TAB2: variants seen among roughly 807,000 people sequenced by gnomAD.
TAB2 encodes TGF-beta activated kinase 1 (MAP3K7) binding protein 2.
In TAB2, 3 loss-of-function variants were observed where a neutral mutation model predicts 65.0. That is an observed-to-expected ratio of 0.05 (90% confidence interval 0.02 to 0.12). The LOEUF is 0.12. Ranked by LOEUF, TAB2 falls within the 10% of genes least tolerant of loss-of-function variation. The probability of loss-of-function intolerance (pLI) is 1.00; values close to 1 mark genes in which losing one functional copy is unlikely to be tolerated. For synonymous variants in TAB2, 298 were observed against 285.1 expected (o/e 1.05, Z -0.46); for missense variants, 623 against 840.3 (o/e 0.74, Z 3.20).
At chr6:149,277,414 T>G (rs1371873154) in intron 1 of TAB2, among the ~76,000 whole-genome samples, 1 of 152,146 alleles carries the variant, frequency 6.6e-6, no homozygotes, top group East Asian at 1.9e-4. Flanking sequence ...AATATACTGT[T>G]AAGATAAAAA....
At chr6:149,286,452 A>G (rs938117039) in intron 1 of TAB2, among the ~76,000 whole-genome samples, 3 of 152,224 alleles carry the variant, frequency 2.0e-5, no homozygotes, top group African/African-American at 7.2e-5. Flanking sequence ...CTTTAAAATT[A>G]AAGCCAGAGA....
intron 1 of TAB2, among the ~76,000 whole-genome samples, chr6:149,267,296 C>T (rs1778281531): frequency 6.6e-6 from 1 of 152,142 alleles, no homozygotes; most frequent in African/African-American, 2.4e-5. Context: ...TCTTCCTCTT[C>T]CTGCTGTCCA....
intron 3 of TAB2, among the ~76,000 whole-genome samples, chr6:149,383,914 C>T (rs376990570): frequency 6.6e-6 from 1 of 152,130 alleles, no homozygotes; most frequent in Non-Finnish European, 1.5e-5. Flanking sequence ...GTGTTTCATT[C>T]ACTTAATTCA....
chr6:149,270,920 C>G (rs987579527), intron 1 of TAB2, among the ~76,000 whole-genome samples: 2 of 152,148 alleles, frequency 1.3e-5, no homozygotes, highest in African/African-American at 4.8e-5. Flanking sequence ...AGAAGTATTA[C>G]TGATCCACTG....
intron 1 of TAB2, among the ~76,000 whole-genome samples, chr6:149,348,428 G>GAGAGAAAGAAGGAAAT (rs1780372577): frequency 6.7e-6 from 1 of 149,056 alleles, no homozygotes; most frequent in Non-Finnish European, 1.5e-5. Context: ...AAGAAGGAAA[G>GAGAGAAAGAAGGAAAT]AAAGAAAGAA....
At position 149,319,277 on chromosome 6, in the gene TAB2, T is replaced by C. The variant is rs189785275; in HGVS notation, c.-90+1262T>C. Among the ~76,000 whole-genome samples, 374 of 152,360 alleles carry C rather than the reference T, an allele frequency of 2.5e-3. 2 individuals are homozygous for C. The highest frequency in any genetic ancestry group is 8.6e-3 in the African/African-American group (359 of 41,588). ...GTTTTTTCACTTCTGCTTACTACAC[T>C]GTTCATACAGTAGCAGAGTATTGAC... On this transcript the variant is annotated intron_variant, in intron 1 of 6. Transcript: ENST00000637181.
intron 1 of TAB2, among the ~76,000 whole-genome samples, chr6:149,360,708 C>A (rs1055525781): frequency 1.3e-5 from 2 of 152,188 alleles, no homozygotes; most frequent in Non-Finnish European, 2.9e-5. Flanking sequence ...AAAGTTTCAG[C>A]TCATTTCAGC....
intron 3 of TAB2, among the ~76,000 whole-genome samples, chr6:149,381,650 T>A (rs1781614410): frequency 6.8e-6 from 1 of 147,192 alleles, no homozygotes; most frequent in South Asian, 2.2e-4. Flanking sequence ...CACAGCTCAC[T>A]TCAGCCTCAA....
At chr6:149,254,085 G>A in intron 1 of TAB2, among the ~76,000 whole-genome samples, 1 of 112,302 alleles carries the variant, frequency 8.9e-6, no homozygotes, top group South Asian at 3.3e-4. Flanking sequence ...AAGGAAGGAA[G>A]GAAGGAAGGA....
chr6:149,378,146 T>C lies in TAB2; in HGVS notation c.231T>C (p.Ser77=), dbSNP rs1258726538. The change falls in exon 3 of 7, where the codon TCT becomes TCC. Residue 77 remains serine (S), a synonymous_variant. Coordinates refer to ENST00000637181, the MANE Select transcript of TAB2 (RefSeq NM_001292034.3). ...CTGGTCTACGCAATCACATGACTTC[T>C]CTCAACTTGGACTTGCAATCACAGA... ...GISGLRNHMT[S]LNLDLQSQNI... The C allele has an allele frequency of 6.2e-7, 1 of 1,614,090 alleles. No individual in the cohort carries two copies. Among genetic ancestry groups the C allele is most frequent in the Non-Finnish European group, 8.5e-7 (1 of 1,180,050 alleles).
chr6:149,347,998 A>G (rs1455312190), intron 1 of TAB2, among the ~76,000 whole-genome samples: 1 of 152,238 alleles, frequency 6.6e-6, no homozygotes, highest in Non-Finnish European at 1.5e-5. Flanking sequence ...TTCTGACTGC[A>G]TTATCAACAC....
At chr6:149,348,266 G>A (rs1780368205) in intron 1 of TAB2, among the ~76,000 whole-genome samples, 1 of 152,068 alleles carries the variant, frequency 6.6e-6, no homozygotes, top group South Asian at 2.1e-4. Context: ...TTGCGCACCG[G>A]TAGTCCCTGC....
At chr6:149,321,702 C>G (rs1220951605) in intron 1 of TAB2, among the ~76,000 whole-genome samples, 1 of 152,064 alleles carries the variant, frequency 6.6e-6, no homozygotes, top group Non-Finnish European at 1.5e-5. Flanking sequence ...ATTTCCTATT[C>G]CTTAGAAAAG....
At chr6:149,248,586 C>T (rs1044772701) in intron 1 of TAB2, among the ~76,000 whole-genome samples, 3 of 145,932 alleles carry the variant, frequency 2.1e-5, no homozygotes, top group Non-Finnish European at 4.6e-5. Flanking sequence ...CCAGCACACT[C>T]TTTCTCCCAA....
In TAB2 at chr6:149,305,965, C is replaced by T. The variant is rs181003717; in HGVS notation, c.-120-72053C>T. The stretch of plus-strand genomic sequence containing the variant: ...AGATGACCAACGCCTCTCCTTCACC[C>T]ACCTTTAAGTACCACCACAATCAGT... On this transcript the variant is annotated intron_variant, in intron 1 of 1. Coordinates refer to the TAB2 transcript ENST00000606202. 4.7e-3 allele frequency among the ~76,000 whole-genome samples: 723 copies of T among 152,316 alleles called. 4 individuals carry two copies. The highest frequency in any genetic ancestry group is 0.027 in the Middle Eastern group (8 of 294).
At chr6:149,407,749 G>A (rs1045396297) in intron 6 of TAB2, among the ~76,000 whole-genome samples, 1 of 148,760 alleles carries the variant, frequency 6.7e-6, no homozygotes, top group African/African-American at 2.5e-5. Flanking sequence ...TCCAATTTTG[G>A]TTATTTAGTT....
chr6:149,340,454 C>A (rs1173613080), intron 1 of TAB2, among the ~76,000 whole-genome samples: 3 of 151,778 alleles, frequency 2.0e-5, no homozygotes, highest in African/African-American at 7.3e-5. Flanking sequence ...ATTGGAGTTT[C>A]GATGAGTAAA....
chr6:149,350,812 A>G (rs1780465937), intron 1 of TAB2, among the ~76,000 whole-genome samples: 1 of 152,058 alleles, frequency 6.6e-6, no homozygotes. Context: ...TTGTTCCAGC[A>G]AAACTCATAA....
intron 1 of TAB2, among the ~76,000 whole-genome samples, chr6:149,222,074 A>G (rs926344278): frequency 6.6e-6 from 1 of 152,198 alleles, no homozygotes; most frequent in Non-Finnish European, 1.5e-5. Context: ...AAAAAGGTAG[A>G]GAAAGGGAGA....
Sources: allele counts gnomAD v4.1 joint callset (sites outside exome capture counted in the v4.1 genomes callset), GRCh38; gene constraint gnomAD v4.1.1; transcripts MANE v1.5; gene names NCBI Gene and HGNC (gene_info 2026-07-23, HGNC 2026-07-21).